DNAH11: variants seen among roughly 807,000 people sequenced by gnomAD.
DNAH11 encodes the protein dynein axonemal heavy chain 11.
In DNAH11, 442 loss-of-function variants were observed where a neutral mutation model predicts 526.0. That is an observed-to-expected ratio of 0.84 (90% confidence interval 0.78 to 0.91). DNAH11 has a LOEUF of 0.91. Ranked by LOEUF, DNAH11 falls within the 40% of genes least tolerant of loss-of-function variation. The probability of loss-of-function intolerance (pLI) is 0.00; values close to 1 mark genes in which losing one functional copy is unlikely to be tolerated. For missense variants in DNAH11, 6,989 were observed against 5,448.7 expected, an observed-to-expected ratio of 1.28 and a Z score of -8.90; for synonymous variants, 2,461 against 1,935.9, an observed-to-expected ratio of 1.27 and a Z score of -7.12.
intron 66 of DNAH11, among the ~76,000 whole-genome samples, chr7:21,843,209 T>C (rs1168758667): frequency 1.3e-5 from 2 of 152,182 alleles, no homozygotes; most frequent in Non-Finnish European, 2.9e-5. Flanking sequence ...TTTAGTGTTA[T>C]ATACAGAAAA....
chr7:21,855,083 G>A (rs1278063298), intron 68 of DNAH11, among the ~76,000 whole-genome samples: 2 of 146,602 alleles, frequency 1.4e-5, no homozygotes, highest in African/African-American at 5.1e-5. Flanking sequence ...CCACGCTGGA[G>A]TGCAGTGGCG....
chr7:21,781,949 T>C (rs1300939500), intron 57 of DNAH11, among the ~76,000 whole-genome samples: 1 of 152,166 alleles, frequency 6.6e-6, no homozygotes, highest in Non-Finnish European at 1.5e-5. Context: ...TGATGTGTCT[T>C]GTGTGTGTCC....
At chr7:21,700,698 T>C (rs1393615045) in intron 36 of DNAH11, among the ~76,000 whole-genome samples, 1 of 152,138 alleles carries the variant, frequency 6.6e-6, no homozygotes, top group Non-Finnish European at 1.5e-5. Flanking sequence ...AGCAAAGACT[T>C]GGAACCAACC....
rs1048659573 is a variant in DNAH11 at position 21,600,991 on chromosome 7, A to T, written c.3256-19A>T. The T allele has an allele frequency of 6.2e-7, 1 of 1,609,878 alleles. No individual in the cohort carries two copies. The highest frequency in any genetic ancestry group is 8.5e-7 in the Non-Finnish European group (1 of 1,179,024). On this transcript the variant is annotated intron_variant, in intron 16 of 81. Coordinates refer to ENST00000409508, the MANE Select transcript of DNAH11 (RefSeq NM_001277115.2). ...GGCTTTTCACTGAGTTGTTCTAATT[A>T]ATCTTTTTCTCACTACAGATTGACA...
At chr7:21,786,433 A>G (rs1562544726) in intron 58 of DNAH11, among the ~76,000 whole-genome samples, 191 bp from the exon 59 acceptor site, 1 of 152,130 alleles carries the variant, frequency 6.6e-6, no homozygotes, top group South Asian at 2.1e-4. Context: ...AGTATCAGAG[A>G]AGTGCCCAGC....
chr7:21,875,922 C>T (rs1043739217), intron 74 of DNAH11, among the ~76,000 whole-genome samples: 15 of 121,690 alleles, frequency 1.2e-4, no homozygotes, highest in East Asian at 1.0e-3. Flanking sequence ...CTCACTCTAT[C>T]GCCCAGGCTG....
At chr7:21,620,630 T>C (rs988127965) in intron 25 of DNAH11, among the ~76,000 whole-genome samples, 5 of 151,746 alleles carry the variant, frequency 3.3e-5, no homozygotes, top group African/African-American at 1.2e-4. Flanking sequence ...TAGTTACATA[T>C]GTATACATGT....
chr7:21,680,253 T>C (rs1379659723), intron 30 of DNAH11, among the ~76,000 whole-genome samples: 1 of 152,208 alleles, frequency 6.6e-6, no homozygotes, highest in Non-Finnish European at 1.5e-5. Context: ...TTTGAGTCTC[T>C]GGTGATCTGT....
At chr7:21,797,812 A>C (rs547102752) in intron 61 of DNAH11, among the ~76,000 whole-genome samples, 2 of 152,296 alleles carry the variant, frequency 1.3e-5, no homozygotes, top group East Asian at 3.9e-4. Context: ...CCATTAAGTT[A>C]CGTTTTCATT....
At chr7:21,731,785 A>G (rs911454830) in intron 45 of DNAH11, among the ~76,000 whole-genome samples, 9 of 152,178 alleles carry the variant, frequency 5.9e-5, no homozygotes, top group Admixed American at 2.6e-4. Flanking sequence ...TATCCCACCG[A>G]GGATGGTAAC....
chr7:21,835,241 ACAG>A (rs1416536572), intron 65 of DNAH11, among the ~76,000 whole-genome samples: 9 of 131,860 alleles, frequency 6.8e-5, no homozygotes, highest in Admixed American at 1.4e-4. Context: ...AAAAAAAAAA[ACAG>A]AGGGAGTTCT....
chr7:21,877,042 C>G (rs1783741875), intron 74 of DNAH11, among the ~76,000 whole-genome samples: 1 of 152,132 alleles, frequency 6.6e-6, no homozygotes, highest in Non-Finnish European at 1.5e-5. Flanking sequence ...GTGGTCCAAT[C>G]TTGTTAAAGC....
At chr7:21,772,943 T>C (rs1332749825) in intron 55 of DNAH11, among the ~76,000 whole-genome samples, 1 of 152,160 alleles carries the variant, frequency 6.6e-6, no homozygotes, top group Non-Finnish European at 1.5e-5. Flanking sequence ...GTCTGAGCAT[T>C]ATTGACAACA....
Position 21,589,336 on chromosome 7 carries a change from A to G in DNAH11, c.2102A>G (p.Asn701Ser), listed in dbSNP as rs369770445. 73 of 1,610,344 alleles carry G rather than the reference A, an allele frequency of 4.5e-5. No individual in the cohort carries two copies. In the African/African-American group the frequency reaches 7.7e-4, roughly 17 times the overall value. Residue 701 changes from asparagine to serine, a missense_variant, in exon 12 of 82, where the codon AAT (asparagine) becomes AGT (serine). Physicochemically the swap from Asn to Ser is conservative, Grantham distance 46 (BLOSUM62 1). Transcript: ENST00000409508. ...KSNVDEICEF[N>S]LNQPLVKFSA... ...AATGTGGATGAAATCTGTGAATTCAATTTGAATCAACCCTTGGTTAAATTC... is the reference window on the plus strand; with the variant it reads ...AATGTGGATGAAATCTGTGAATTCAGTTTGAATCAACCCTTGGTTAAATTC...
chr7:21,892,888 C>T (rs998723740), intron 77 of DNAH11, among the ~76,000 whole-genome samples: 1 of 152,144 alleles, frequency 6.6e-6, no homozygotes, highest in Non-Finnish European at 1.5e-5. Context: ...AGTATCTTTA[C>T]CTCTATCATC....
At chr7:21,800,063 A>G (rs1788900054) in intron 61 of DNAH11, among the ~76,000 whole-genome samples, 1 of 152,238 alleles carries the variant, frequency 6.6e-6, no homozygotes, top group Non-Finnish European at 1.5e-5. Flanking sequence ...ACTCATGGAC[A>G]AAAGGTGACC....
intron 54 of DNAH11, among the ~76,000 whole-genome samples, chr7:21,757,683 A>G (rs1214650823): frequency 6.6e-6 from 1 of 152,162 alleles, no homozygotes; most frequent in African/African-American, 2.4e-5. Flanking sequence ...TCACAGCTAA[A>G]GTCTGGCGAC....
chr7:21,744,152 A>G (rs1271997944), intron 49 of DNAH11, among the ~76,000 whole-genome samples: 1 of 152,204 alleles, frequency 6.6e-6, no homozygotes, highest in African/African-American at 2.4e-5. Context: ...AGTCCATTGT[A>G]AGGCTTAATA....
rs770735483 is a variant in DNAH11 at position 21,750,241 on chromosome 7, C to G, written c.8817C>G (p.Phe2939Leu). Reference protein sequence around the residue: ...LLASGEIPDLFSDEDVDKIIS... With the variant: ...LLASGEIPDLLSDEDVDKIIS... Reference sequence around the variant, plus strand: ...GGGCAGGAGAAATCCCAGATCTGTTCAGCGATGAAGATGTGGACAAGATAA... The same window carrying G: ...GGGCAGGAGAAATCCCAGATCTGTTGAGCGATGAAGATGTGGACAAGATAA... The change falls in exon 54 of 82, where the codon TTC becomes TTG. Residue 2939 changes from phenylalanine (F) to leucine (L), a missense_variant. Transcript: ENST00000409508. 3 of 1,605,782 alleles carry G rather than the reference C, an allele frequency of 1.9e-6. No individual in the cohort carries two copies. In the Admixed American group the frequency reaches 5.1e-5, roughly 27 times the overall value.
Sources: allele counts gnomAD v4.1 joint callset (sites outside exome capture counted in the v4.1 genomes callset), GRCh38; gene constraint gnomAD v4.1.1; transcripts MANE v1.5; gene names NCBI Gene and HGNC (gene_info 2026-07-23, HGNC 2026-07-21).